SEPTIN10: variants seen among roughly 807,000 people sequenced by gnomAD.
SEPTIN10 encodes septin-10.
In SEPTIN10, 66 loss-of-function variants were observed where a neutral mutation model predicts 54.8. That is an observed-to-expected ratio of 1.21 (90% CI 0.99 to 1.48). The LOEUF is 1.48. SEPTIN10 is among the 40% of genes most tolerant of loss of function. The pLI is 0.00. For missense variants in SEPTIN10, 620 were observed against 545.6 expected (o/e 1.14, Z -1.36); for synonymous variants, 161 against 181.0 (o/e 0.89, Z 0.89).
At chr2:109,566,861 A>G (rs1687152192) in intron 6 of SEPTIN10, among the ~76,000 whole-genome samples, 1 of 152,180 alleles carries the variant, frequency 6.6e-6, no homozygotes, top group African/African-American at 2.4e-5. Context: ...GTCTAATGTA[A>G]AAATTATTAA....
At chr2:109,588,851 A>T (rs1369279817) in intron 2 of SEPTIN10, among the ~76,000 whole-genome samples, 7 of 25,580 alleles carry the variant, frequency 2.7e-4, no homozygotes, top group Non-Finnish European at 4.3e-4. Context: ...AATTACTATT[A>T]AAAAAAAAAA....
At chr2:109,560,327 T>C (rs1685376534) in intron 8 of SEPTIN10, among the ~76,000 whole-genome samples, 1 of 152,124 alleles carries the variant, frequency 6.6e-6, no homozygotes, top group African/African-American at 2.4e-5. Context: ...ACCTCAACTT[T>C]GACACAGCAG....
intron 4 of SEPTIN10, among the ~76,000 whole-genome samples, chr2:109,584,417 G>C (rs548988414): frequency 9.2e-5 from 13 of 141,898 alleles, no homozygotes; most frequent in Non-Finnish European, 2.0e-4. Context: ...GGAGGTTGCA[G>C]TGAGTCGAAA....
At chr2:109,545,447 T>C (rs1346425499) in intron 10 of SEPTIN10, 13 of 1,536,048 alleles carry the variant, frequency 8.5e-6, no homozygotes, top group Non-Finnish European at 1.1e-5. Context: ...CCTTGCACTG[T>C]GGCCCTCTCT....
chr2:109,546,063 T>C lies in SEPTIN10; in HGVS notation c.1336A>G (p.Lys446Glu). Residue 446 changes from lysine to glutamate, a missense_variant, in exon 10 of 11, where the codon AAG (lysine) becomes GAG (glutamate). By Grantham distance (56) the Lys-to-Glu change is moderately conservative. Transcript: ENST00000397712. ...TGGGCCTCTTACTTCTTACGGTCCT[T>C]GTCCTTCCTCAGGTTGCTGCCTGTT... The part of the protein sequence containing the change: ...LATGSNLRKD[K>E]DRKNSNFL 1 of 1,588,708 alleles carries C rather than the reference T, an allele frequency of 6.3e-7. No individual in the cohort carries two copies. The highest frequency in any genetic ancestry group is 8.5e-7 in the Non-Finnish European group (1 of 1,170,008).
At chr2:109,612,860 C>T (rs1699553238) in intron 1 of SEPTIN10, among the ~76,000 whole-genome samples, 1 of 152,130 alleles carries the variant, frequency 6.6e-6, no homozygotes, top group Admixed American at 6.5e-5. Flanking sequence ...TAAAACAAAC[C>T]AACGGTGTCA....
intron 5 of SEPTIN10, among the ~76,000 whole-genome samples, chr2:109,570,267 G>A (rs549447267): frequency 1.4e-3 from 209 of 152,212 alleles, no homozygotes; most frequent in African/African-American, 4.2e-3. Flanking sequence ...TGATACCCAT[G>A]ACCTTTACCG....
At chr2:109,551,285 T>C (rs949398369) in intron 9 of SEPTIN10, among the ~76,000 whole-genome samples, 2 of 152,254 alleles carry the variant, frequency 1.3e-5, no homozygotes, top group Non-Finnish European at 2.9e-5. Context: ...CACAACAATA[T>C]TGGCAAGGAC....
At position 109,567,878 on chromosome 2, in the gene SEPTIN10, G is replaced by C; in HGVS notation, c.699C>G (p.Gly233=). Residue 233 remains glycine (G), a synonymous_variant, in exon 6 of 11, where the codon GGC becomes GGG. Transcript: ENST00000397712. ...CCGTTGGGAACTGGTATATCTGGACGCCATTGCTGACCAATTCACTCATGA... is the reference window on the plus strand; with the variant it reads ...CCGTTGGGAACTGGTATATCTGGACCCCATTGCTGACCAATTCACTCATGA... ...IKLMSELVSN[G]VQIYQFPTDD... 1 of 1,613,888 alleles carries C rather than the reference G, an allele frequency of 6.2e-7. No homozygotes were observed. The highest frequency in any genetic ancestry group is 8.5e-7 in the Non-Finnish European group (1 of 1,179,886).
At chr2:109,559,053 T>A (rs1351954585) in intron 8 of SEPTIN10, among the ~76,000 whole-genome samples, 1 of 152,096 alleles carries the variant, frequency 6.6e-6, no homozygotes, top group African/African-American at 2.4e-5. Flanking sequence ...ACCCGGCTAA[T>A]TTTTGTATTT....
chr2:109,585,072 G>C (rs1332939543), intron 4 of SEPTIN10, 54 bp downstream of exon 4: 1 of 1,120,164 alleles, frequency 8.9e-7, no homozygotes, highest in East Asian at 2.5e-5. Flanking sequence ...GGGCTATAAG[G>C]CGAATGTCTT....
chr2:109,553,964 AC>A (rs796895577), intron 8 of SEPTIN10, among the ~76,000 whole-genome samples: 14 of 152,340 alleles, frequency 9.2e-5, no homozygotes, highest in African/African-American at 3.1e-4. Flanking sequence ...GTATGATTAA[AC>A]CAATTTTTAC....
intron 1 of SEPTIN10, among the ~76,000 whole-genome samples, chr2:109,596,565 AG>A (rs1169361967): frequency 2.6e-5 from 4 of 151,950 alleles, no homozygotes; most frequent in Non-Finnish European, 5.9e-5. Context: ...TGCAGTGAGC[AG>A]AGATCGCGCC....
intron 9 of SEPTIN10, among the ~76,000 whole-genome samples, chr2:109,549,082 T>A (rs947518333): frequency 3.3e-5 from 5 of 152,292 alleles, no homozygotes; most frequent in South Asian, 2.1e-4. Flanking sequence ...TTCCTGCTTT[T>A]AAAAAAGTTA....
At chr2:109,544,372 A>C (rs1257458331) in intron 10 of SEPTIN10, 48 bp from the exon 11 acceptor site, 2 of 1,553,840 alleles carry the variant, frequency 1.3e-6, no homozygotes, top group Non-Finnish European at 1.7e-6. Context: ...AAAAAAATTC[A>C]AGTAAAAATT....
rs957211808 is a variant in SEPTIN10 at position 109,585,065 on chromosome 2, C to G, written c.413+61G>C. On this transcript the variant is annotated intron_variant, in intron 4 of 10. Coordinates refer to ENST00000397712, the MANE Select transcript of SEPTIN10 (RefSeq NM_144710.5). The stretch of plus-strand genomic sequence containing the variant: ...GAAAATCAAATCATAGTTCATGGGG[C>G]TATAAGGCGAATGTCTTGAAATAAG... 9.4e-6 allele frequency: 9 copies of G among 953,580 alleles called. No homozygotes were observed. The Admixed American group carries it at 1.0e-4, about 11-fold the overall frequency. 59.1% of individuals were successfully genotyped at this position (953,580 alleles called of 1,614,324 possible). A position where few individuals can be genotyped will look rare whatever the true frequency, so the allele number is the denominator to read the frequency against.
intron 5 of SEPTIN10, among the ~76,000 whole-genome samples, chr2:109,568,474 C>G (rs1476514476): frequency 6.7e-6 from 1 of 150,302 alleles, no homozygotes; most frequent in African/African-American, 2.5e-5. Context: ...TGGGTTCAAG[C>G]GATTCTCTTC....
intron 4 of SEPTIN10, among the ~76,000 whole-genome samples, chr2:109,580,458 A>C (rs993272577): frequency 1.3e-5 from 2 of 151,204 alleles, no homozygotes; most frequent in Admixed American, 1.3e-4. Context: ...ACAAAACCCA[A>C]AACCAACCAA....
chr2:109,591,825 G>C (rs945828373), intron 2 of SEPTIN10, among the ~76,000 whole-genome samples: 4 of 152,068 alleles, frequency 2.6e-5, no homozygotes, highest in African/African-American at 9.7e-5. Context: ...TTGAACCTGG[G>C]AGGTGTAGGT....
Sources: gnomAD v4.1 joint callset for allele counts (sites outside exome capture counted in the v4.1 genomes callset) on GRCh38, gnomAD v4.1.1 for gene constraint, MANE v1.5 for transcripts, NCBI Gene and HGNC (gene_info 2026-07-23, HGNC 2026-07-21) for gene names.